The following EMP1 variants were observed in gnomAD, a reference collection of about 807,000 sequenced individuals.
The protein encoded by EMP1 is epithelial membrane protein 1.
EMP1 carries 5 observed loss-of-function variants against 15.7 expected under a neutral mutation model. The observed-to-expected ratio is 0.32, with a 90% CI of 0.17 to 0.67. EMP1 has a LOEUF of 0.67. Among genes scored for constraint, EMP1 ranks in the 30% least tolerant of loss-of-function variants. EMP1 has a pLI of 0.74. For synonymous variants in EMP1, 78 were observed against 76.7 expected (o/e 1.02, Z -0.09); for missense variants, 166 against 194.2 (o/e 0.85, Z 0.86).
chr12:13,214,192 G>C (rs750804650), intron 4 of EMP1: 2 of 597,574 alleles, frequency 3.3e-6, no homozygotes, highest in African/African-American at 3.7e-5. Flanking sequence ...CAATATACTC[G>C]GTTTGGTGGA....
At position 13,218,988 on chromosome 12, in the gene EMP1, G is replaced by C. The variant is rs187201034; in HGVS notation, c.*4297G>C. 93 of 152,266 alleles carry C rather than the reference G, an allele frequency of 6.1e-4. No individual in the cohort carries two copies. The highest frequency in any genetic ancestry group is 2.2e-3 in the African/African-American group (92 of 41,524). The allele number at this position is 152,266 out of a possible 1,614,324, so 9.4% of individuals were successfully genotyped here. ...ATCTCATGCCATGAGCAATTGTCTGGCATCTCCTGTGGGTTGGACCACTGC... is the reference window on the plus strand; with the variant it reads ...ATCTCATGCCATGAGCAATTGTCTGCCATCTCCTGTGGGTTGGACCACTGC... On this transcript the variant is annotated 3_prime_UTR_variant, in exon 5 of 5. Coordinates refer to ENST00000256951, the MANE Select transcript of EMP1 (RefSeq NM_001423.3).
At chr12:13,197,872 G>A (rs182783188) in intron 1 of EMP1, among the ~76,000 whole-genome samples, 4 of 152,332 alleles carry the variant, frequency 2.6e-5, no homozygotes, top group African/African-American at 4.8e-5. Context: ...AAACGTGGGA[G>A]GGGTTCACTT....
At chr12:13,207,736 T>C (rs962498376) in intron 1 of EMP1, among the ~76,000 whole-genome samples, 1 of 152,186 alleles carries the variant, frequency 6.6e-6, no homozygotes, top group Non-Finnish European at 1.5e-5. Context: ...TAGATGAGGC[T>C]TAAGAAGGAG....
intron 1 of EMP1, among the ~76,000 whole-genome samples, chr12:13,210,383 A>G (rs544140223): frequency 1.1e-4 from 17 of 152,314 alleles, no homozygotes; most frequent in Admixed American, 8.5e-4. Context: ...TGACAGTCTT[A>G]GGCATGACAA....
chr12:13,200,988 A>T (rs1384640582), intron 1 of EMP1, among the ~76,000 whole-genome samples: 1 of 152,240 alleles, frequency 6.6e-6, no homozygotes, highest in Non-Finnish European at 1.5e-5. Flanking sequence ...CCTGGAGCAG[A>T]TGTAAGACAG....
rs1015129221 is a variant in EMP1 at position 13,219,562 on chromosome 12, T to C, written c.*4871T>C. ...TGCCCCACTCCTGGTACCAAATTCCTGTATTAGTCTGTTTTCACACTGCTA... is the reference window on the plus strand; with the variant it reads ...TGCCCCACTCCTGGTACCAAATTCCCGTATTAGTCTGTTTTCACACTGCTA... On this transcript the variant is annotated 3_prime_UTR_variant, in exon 5 of 5. Coordinates refer to ENST00000256951, the MANE Select transcript of EMP1 (RefSeq NM_001423.3). The C allele has an allele frequency of 6.6e-6, 1 of 152,236 alleles. No individual in the cohort carries two copies. The highest frequency in any genetic ancestry group is 6.5e-5 in the Admixed American group (1 of 15,284). 9.4% of individuals were successfully genotyped at this position (152,236 alleles called of 1,614,324 possible).
At chr12:13,203,998 A>G (rs142685016) in intron 1 of EMP1, among the ~76,000 whole-genome samples, 1 of 152,332 alleles carries the variant, frequency 6.6e-6, no homozygotes, top group Non-Finnish European at 1.5e-5. Context: ...GACTTGCTGT[A>G]TAATAACCCC....
intron 1 of EMP1, chr12:13,209,455 C>T (rs535940250): frequency 3.3e-5 from 5 of 152,302 alleles, no homozygotes; most frequent in African/African-American, 1.2e-4. Flanking sequence ...CAGCAGATAT[C>T]TTATTACTTG....
intron 1 of EMP1, among the ~76,000 whole-genome samples, chr12:13,202,713 C>T (rs769499349): frequency 2.7e-4 from 41 of 152,240 alleles, no homozygotes; most frequent in Admixed American, 4.6e-4. Flanking sequence ...CTCAGCAAAA[C>T]GACAGGGAGA....
intron 1 of EMP1, among the ~76,000 whole-genome samples, chr12:13,200,653 G>A (rs1385962963): frequency 6.6e-6 from 1 of 152,192 alleles, no homozygotes; most frequent in East Asian, 1.9e-4. Flanking sequence ...TCAGTCCCTG[G>A]TGTCCTGCCT....
chr12:13,213,449 A>G (rs894371192), intron 2 of EMP1, 30 bp from the exon 3 acceptor site: 12 of 1,599,572 alleles, frequency 7.5e-6, no homozygotes, highest in Non-Finnish European at 1.0e-5. Context: ...GCCAGCTTTC[A>G]ATTAACATTT....
intron 1 of EMP1, among the ~76,000 whole-genome samples, chr12:13,208,230 A>C (rs1864131437): frequency 6.6e-6 from 1 of 152,210 alleles, no homozygotes; most frequent in Non-Finnish European, 1.5e-5. Flanking sequence ...GCAGAGAATG[A>C]ATCTCCCCAC....
In EMP1 at chr12:13,211,744, A is replaced by G. The variant is rs571697910; in HGVS notation, c.78+156A>G. 8.1e-6 allele frequency: 6 copies of G among 736,748 alleles called. No individual in the cohort carries two copies. Among genetic ancestry groups the G allele is most frequent in the South Asian group, 1.7e-5 (1 of 57,192 alleles). 45.6% of individuals were successfully genotyped at this position (736,748 alleles called of 1,614,324 possible). ...TAAACACACGCTTGCCCTTCAAACA[A>G]TTAAATAACAGGAGGATAAAAGTGA... On this transcript the variant is annotated intron_variant, in intron 2 of 4. Transcript: ENST00000256951. This position sits in a 1 kb window ranked among gnomAD's most constrained non-coding sequence, Gnocchi z 4.7.
At chr12:13,198,319 C>T (rs146281530) in intron 1 of EMP1, among the ~76,000 whole-genome samples, 59 of 151,864 alleles carry the variant, frequency 3.9e-4, no homozygotes, top group African/African-American at 1.4e-3. Flanking sequence ...GAGGTGTGGC[C>T]CATTTCAACA....
intron 4 of EMP1, chr12:13,214,137 A>G (rs1864192124): frequency 8.2e-6 from 5 of 608,030 alleles, no homozygotes; most frequent in South Asian, 7.9e-5. Context: ...CCACTGCCAC[A>G]ATGCACATCA....
At chr12:13,203,322 C>T (rs954333467) in intron 1 of EMP1, among the ~76,000 whole-genome samples, 3 of 152,256 alleles carry the variant, frequency 2.0e-5, no homozygotes, top group African/African-American at 4.8e-5. Context: ...CTTCCGTCCT[C>T]GCCCAGGGAA....
chr12:13,212,847 CA>C (rs1219717665), intron 2 of EMP1, among the ~76,000 whole-genome samples: 2 of 152,242 alleles, frequency 1.3e-5, no homozygotes, highest in Non-Finnish European at 2.9e-5. Context: ...GCACCATGAT[CA>C]GTCTGGGGGA....
In EMP1 at chr12:13,213,589, T is replaced by C; in HGVS notation, c.175+14T>C. 1 of 1,614,194 alleles carries C rather than the reference T, an allele frequency of 6.2e-7. No individual in the cohort carries two copies. Among genetic ancestry groups the C allele is most frequent in the Non-Finnish European group, 8.5e-7 (1 of 1,180,012 alleles). ...ATGCCAGTGAAGGTATATATAAAGA[T>C]ATTGACCCAGTGCTGACAATAGGTG... On this transcript the variant is annotated intron_variant, in intron 3 of 4. Coordinates refer to ENST00000256951, the MANE Select transcript of EMP1 (RefSeq NM_001423.3).
In EMP1 at chr12:13,214,806, AG is replaced by A. The variant is rs1864199796; in HGVS notation, c.*116del. On this transcript the variant is annotated 3_prime_UTR_variant, in exon 5 of 5. Transcript: ENST00000256951. ...CGAGATAGGGGAGGGGGGAGGGGGAAGCAAAGGGGGGAGGTCAAATCCCAAA... is the reference window on the plus strand; with the variant it reads ...CGAGATAGGGGAGGGGGGAGGGGGAACAAAGGGGGGAGGTCAAATCCCAAA... The A allele has an allele frequency of 9.9e-6, 1 of 101,240 alleles. No individual in the cohort carries two copies. Among genetic ancestry groups the A allele is most frequent in the Admixed American group, 1.2e-4 (1 of 8,276 alleles). The allele number at this position is 101,240 out of a possible 1,614,324, so 6.3% of individuals were successfully genotyped here.
Sources: allele counts gnomAD v4.1 joint callset (sites outside exome capture counted in the v4.1 genomes callset), GRCh38; gene constraint gnomAD v4.1.1; non-coding constraint Gnocchi (gnomAD v3.1); transcripts MANE v1.5; gene names NCBI Gene and HGNC (gene_info 2026-07-23, HGNC 2026-07-21).